KCNK13: variants seen among roughly 807,000 people sequenced by gnomAD.
KCNK13 encodes the protein potassium channel subfamily K member 13.
Under a neutral mutation model 23.4 loss-of-function variants are expected in KCNK13, and 12 were observed. The observed-to-expected ratio is 0.51, with a 90% CI of 0.33 to 0.83. The LOEUF is 0.83. KCNK13 is among the 40% of genes least tolerant of loss of function. The probability of loss-of-function intolerance (pLI) is 0.02; values close to 1 mark genes in which losing one functional copy is unlikely to be tolerated. For missense variants in KCNK13, 463 were observed against 556.3 expected, an observed-to-expected ratio of 0.83 and a Z score of 1.69; for synonymous variants, 231 against 229.5, an observed-to-expected ratio of 1.01 and a Z score of -0.06.
chr14:90,161,000 C>T (rs1890247296), intron 1 of KCNK13, among the ~76,000 whole-genome samples: 1 of 152,170 alleles, frequency 6.6e-6, no homozygotes, highest in South Asian at 2.1e-4. Context: ...TTTCACACCC[C>T]TGTTCCTAAC....
At chr14:90,160,798 G>A (rs1438733319) in intron 1 of KCNK13, among the ~76,000 whole-genome samples, 8 of 149,984 alleles carry the variant, frequency 5.3e-5, no homozygotes, top group East Asian at 2.0e-4. Flanking sequence ...AGCCAAGATC[G>A]CGCCATTGGA....
Position 90,184,012 on chromosome 14 carries a change from A to G in KCNK13, c.335-99A>G. 2 of 1,059,546 alleles carry G rather than the reference A, an allele frequency of 1.9e-6. No individual in the cohort carries two copies. The highest frequency in any genetic ancestry group is 4.6e-5 in the Admixed American group (2 of 43,036). 65.6% of individuals were successfully genotyped at this position (1,059,546 alleles called of 1,614,324 possible). ...AGACTAAGGCTGAGTGATTTTATGA[A>G]ACTCTCTTTAGGTCCTTTGCCAGCC... On this transcript the variant is annotated intron_variant, in intron 1 of 1. Transcript: ENST00000282146. This position sits in a 1 kb window ranked among gnomAD's most constrained non-coding sequence, Gnocchi z 5.6.
chr14:90,146,331 G>A (rs902895939), intron 1 of KCNK13, among the ~76,000 whole-genome samples: 2 of 151,898 alleles, frequency 1.3e-5, no homozygotes, highest in African/African-American at 4.8e-5. Flanking sequence ...ATCTTTTTTA[G>A]TGGGGGGGCA....
At position 90,084,271 on chromosome 14, in the gene KCNK13, A is replaced by G. The variant is rs537503694; in HGVS notation, c.334+21732A>G. ...TTAACAATATTAAGTGTTCCAATCTATGAACATGGGATGTCTTTCCATTTA... is the reference window on the plus strand; with the variant it reads ...TTAACAATATTAAGTGTTCCAATCTGTGAACATGGGATGTCTTTCCATTTA... On this transcript the variant is annotated intron_variant, in intron 1 of 1. Coordinates refer to ENST00000282146, the MANE Select transcript of KCNK13 (RefSeq NM_022054.4). Among the ~76,000 whole-genome samples, 9 of 152,330 alleles carry G rather than the reference A, an allele frequency of 5.9e-5. 2 individuals carry two copies. The highest frequency in any genetic ancestry group is 2.2e-4 in the African/African-American group (9 of 41,584).
chr14:90,185,611 C>T lies in KCNK13; in HGVS notation c.*608C>T, dbSNP rs1890541815. The T allele has an allele frequency of 6.6e-6, 1 of 152,210 alleles. No homozygotes were observed. The highest frequency in any genetic ancestry group is 1.5e-5 in the Non-Finnish European group (1 of 68,060). 9.4% of individuals were successfully genotyped at this position (152,210 alleles called of 1,614,324 possible). ...AGGCCTTAATGCCTGGCTGTGGCGTCTGTGAGACCTCAATGTAATAAGAAA... is the reference window on the plus strand; with the variant it reads ...AGGCCTTAATGCCTGGCTGTGGCGTTTGTGAGACCTCAATGTAATAAGAAA... On this transcript the variant is annotated 3_prime_UTR_variant, in exon 2 of 2. Coordinates refer to ENST00000282146, the MANE Select transcript of KCNK13 (RefSeq NM_022054.4).
intron 1 of KCNK13, among the ~76,000 whole-genome samples, chr14:90,123,058 A>C (rs1889757836): frequency 6.6e-6 from 1 of 152,180 alleles, no homozygotes; most frequent in Non-Finnish European, 1.5e-5. Flanking sequence ...CTTTAATTGT[A>C]TTTATTGAAC....
chr14:90,119,613 A>G (rs1035002374), intron 1 of KCNK13, among the ~76,000 whole-genome samples: 2 of 152,088 alleles, frequency 1.3e-5, no homozygotes, highest in African/African-American at 4.8e-5. Flanking sequence ...TTATTTATTT[A>G]TTTAGAGACC....
chr14:90,096,900 T>A (rs7350744), intron 1 of KCNK13, among the ~76,000 whole-genome samples: 33,524 of 152,132 alleles, frequency 0.22, 3,745 homozygotes, highest in Middle Eastern at 0.26. Flanking sequence ...GATGACTGCC[T>A]ACTGTTTCTT....
At chr14:90,103,882 G>A (rs1484834777) in intron 1 of KCNK13, among the ~76,000 whole-genome samples, 1 of 152,022 alleles carries the variant, frequency 6.6e-6, no homozygotes, top group Admixed American at 6.6e-5. Context: ...TTTTGTTGTT[G>A]TTGTTTCTCT....
chr14:90,144,384 G>T (rs969111807), intron 1 of KCNK13, among the ~76,000 whole-genome samples: 1 of 151,544 alleles, frequency 6.6e-6, no homozygotes, highest in Non-Finnish European at 1.5e-5. Flanking sequence ...TATATTTTGT[G>T]TCCTGCAACT....
intron 1 of KCNK13, among the ~76,000 whole-genome samples, chr14:90,172,938 A>C (rs1240505484): frequency 6.6e-6 from 1 of 152,242 alleles, no homozygotes; most frequent in African/African-American, 2.4e-5. Flanking sequence ...CTGCCCTTGC[A>C]TGAATGAGGC....
rs139998418 is a variant in KCNK13, at chr14:90,117,929, T to C, written c.334+55390T>C. ...GTTCTCATTAAATGGAATCCTTCAG[T>C]ATGTGACTTTTGTGTCTGGCTCTGT... On this transcript the variant is annotated intron_variant, in intron 1 of 1. Coordinates refer to ENST00000282146, the MANE Select transcript of KCNK13 (RefSeq NM_022054.4). Among the ~76,000 whole-genome samples the C allele has an allele frequency of 3.9e-5, 6 of 152,340 alleles. No individual in the cohort carries two copies. The East Asian group carries it at 1.2e-3, about 29-fold the overall frequency.
At chr14:90,092,863 GACCATGCCACTGC>G (rs1366644647) in intron 1 of KCNK13, among the ~76,000 whole-genome samples, 2 of 136,180 alleles carry the variant, frequency 1.5e-5, no homozygotes, top group Non-Finnish European at 3.1e-5. Flanking sequence ...AGTGAGCCAT[GACCATGCCACTGC>G]ACTCTAGCCT....
chr14:90,096,992 C>T (rs1889417644), intron 1 of KCNK13, among the ~76,000 whole-genome samples: 1 of 152,146 alleles, frequency 6.6e-6, no homozygotes, highest in African/African-American at 2.4e-5. Flanking sequence ...TGAGGTGCAT[C>T]TTGGGGGCTT....
intron 1 of KCNK13, among the ~76,000 whole-genome samples, chr14:90,084,902 T>C (rs951227160): frequency 6.6e-6 from 1 of 152,132 alleles, no homozygotes; most frequent in African/African-American, 2.4e-5. Flanking sequence ...TTATGCTATT[T>C]ATATAATGTT....
chr14:90,150,742 G>A (rs1890126057), intron 1 of KCNK13, among the ~76,000 whole-genome samples: 2 of 152,136 alleles, frequency 1.3e-5, no homozygotes, highest in Non-Finnish European at 2.9e-5. Flanking sequence ...TTGGAGGTGG[G>A]GCCTTGGTGG....
At chr14:90,171,102 C>T (rs536805945) in intron 1 of KCNK13, among the ~76,000 whole-genome samples, 1 of 152,290 alleles carries the variant, frequency 6.6e-6, no homozygotes, top group South Asian at 2.1e-4. Context: ...AATACCAGTT[C>T]ACTTGCCTAA....
chr14:90,167,588 GT>G, intron 1 of KCNK13, among the ~76,000 whole-genome samples: 1 of 152,300 alleles, frequency 6.6e-6, no homozygotes, highest in South Asian at 2.1e-4. Context: ...TCCTCAGATG[GT>G]TTTGATACCA....
At chr14:90,132,027 C>T (rs573174293) in intron 1 of KCNK13, among the ~76,000 whole-genome samples, 2 of 152,316 alleles carry the variant, frequency 1.3e-5, no homozygotes, top group East Asian at 3.9e-4. Context: ...TGGAAGCAAC[C>T]CAACTGTCCG....
Sources: gnomAD v4.1 joint callset for allele counts (sites outside exome capture counted in the v4.1 genomes callset) on GRCh38, gnomAD v4.1.1 for gene constraint, Gnocchi (gnomAD v3.1) non-coding constraint, MANE v1.5 for transcripts, NCBI Gene and HGNC (gene_info 2026-07-23, HGNC 2026-07-21) for gene names.